TMEM178B: variants seen among roughly 807,000 people sequenced by gnomAD.
TMEM178B encodes transmembrane protein 178B.
In TMEM178B, 5 loss-of-function variants were observed where a neutral mutation model predicts 31.0. That is an observed-to-expected ratio of 0.16 (90% CI 0.08 to 0.34). The LOEUF (loss-of-function observed/expected upper bound fraction) is 0.34, where lower values mean the gene tolerates loss of function less well. Ranked by LOEUF, TMEM178B falls within the 10% of genes least tolerant of loss-of-function variation. TMEM178B has a pLI of 1.00. For synonymous variants in TMEM178B, 164 were observed against 164.0 expected (o/e 1.00, Z 0.00); for missense variants, 275 against 400.3 (o/e 0.69, Z 2.67).
At chr7:141,441,513 T>C (rs949677104) in intron 3 of TMEM178B, among the ~76,000 whole-genome samples, 2 of 152,160 alleles carry the variant, frequency 1.3e-5, no homozygotes, top group Non-Finnish European at 2.9e-5. Flanking sequence ...CAGGCATCTA[T>C]AACCGAGCAC....
chr7:141,209,168 G>T (rs1451617900), intron 1 of TMEM178B, among the ~76,000 whole-genome samples: 1 of 152,188 alleles, frequency 6.6e-6, no homozygotes, highest in Non-Finnish European at 1.5e-5. Flanking sequence ...TGGTATTCTT[G>T]TTACAACCTT....
intron 2 of TMEM178B, among the ~76,000 whole-genome samples, chr7:141,269,335 C>A (rs563245366): frequency 1.4e-4 from 22 of 152,138 alleles, no homozygotes; most frequent in Non-Finnish European, 2.8e-4. Context: ...AGGTGATCTG[C>A]CTGCTTCAGC....
intron 1 of TMEM178B, among the ~76,000 whole-genome samples, chr7:141,082,032 A>G (rs1362824757): frequency 1.3e-5 from 2 of 152,276 alleles, no homozygotes; most frequent in Non-Finnish European, 2.9e-5. Context: ...TATTCAGTAC[A>G]GTAACATGCT....
chr7:141,182,640 C>T (rs927880011), intron 1 of TMEM178B, among the ~76,000 whole-genome samples: 1 of 152,092 alleles, frequency 6.6e-6, no homozygotes, highest in African/African-American at 2.4e-5. Flanking sequence ...GCTGTGTCCC[C>T]ACCCAAATCT....
At chr7:141,282,255 C>A (rs1181576005) in intron 2 of TMEM178B, among the ~76,000 whole-genome samples, 1 of 152,180 alleles carries the variant, frequency 6.6e-6, no homozygotes, top group African/African-American at 2.4e-5. Flanking sequence ...CTGAAAAATA[C>A]CCCTGGGTTT....
At position 141,220,761 on chromosome 7, in the gene TMEM178B, C is replaced by T. The variant is rs191655786; in HGVS notation, c.496+8057C>T. Among the ~76,000 whole-genome samples the T allele has an allele frequency of 2.8e-3, 420 of 152,278 alleles. 1 individual carries two copies. Among genetic ancestry groups the T allele is most frequent in the African/African-American group, 9.3e-3 (388 of 41,542 alleles). On this transcript the variant is annotated intron_variant, in intron 2 of 3. Transcript: ENST00000565468. ...TGGAAGTGGTTTTCTTCTGGCTGAGCGCACTGATACGGACACCACACCATG... is the reference window on the plus strand; with the variant it reads ...TGGAAGTGGTTTTCTTCTGGCTGAGTGCACTGATACGGACACCACACCATG...
chr7:141,482,346 C>T (rs917583279), downstream of TMEM178B, among the ~76,000 whole-genome samples: 1 of 152,240 alleles, frequency 6.6e-6, no homozygotes, highest in Non-Finnish European at 1.5e-5. Context: ...CTTTCCCTAA[C>T]CCTGTGGCAG....
chr7:141,096,428 G>A (rs1747809628), intron 1 of TMEM178B, among the ~76,000 whole-genome samples: 3 of 152,126 alleles, frequency 2.0e-5, no homozygotes, highest in Admixed American at 2.0e-4. Context: ...AATATTCTGG[G>A]TGACGTTAGA....
intron 1 of TMEM178B, among the ~76,000 whole-genome samples, chr7:141,135,772 C>A (rs531018672): frequency 6.6e-6 from 1 of 151,816 alleles, no homozygotes; most frequent in Non-Finnish European, 1.5e-5. Flanking sequence ...ATGCCTATAT[C>A]GAAAAAGTGG....
intron 3 of TMEM178B, among the ~76,000 whole-genome samples, chr7:141,444,705 T>C (rs1801720586): frequency 6.6e-6 from 1 of 152,130 alleles, no homozygotes; most frequent in Non-Finnish European, 1.5e-5. Flanking sequence ...TTGTCCTAGG[T>C]CACCTGGCCA....
chr7:141,331,854 G>T (rs1415989491), intron 2 of TMEM178B, among the ~76,000 whole-genome samples: 1 of 152,198 alleles, frequency 6.6e-6, no homozygotes, highest in Non-Finnish European at 1.5e-5. Flanking sequence ...AGACCTTGGG[G>T]TTTTCTTCCT....
chr7:141,311,465 TCTAA>T (rs1798909516), intron 2 of TMEM178B, among the ~76,000 whole-genome samples: 1 of 152,238 alleles, frequency 6.6e-6, no homozygotes, highest in South Asian at 2.1e-4. Context: ...TTGCTGGTTT[TCTAA>T]CTAATTTATT....
intron 2 of TMEM178B, among the ~76,000 whole-genome samples, chr7:141,391,829 G>A (rs560500666): frequency 1.3e-5 from 2 of 152,234 alleles, no homozygotes; most frequent in South Asian, 2.1e-4. Context: ...TGTCCTCAAG[G>A]TTCATCCATG....
intron 2 of TMEM178B, among the ~76,000 whole-genome samples, chr7:141,266,819 TTATTTATTAACTGA>T: frequency 6.6e-6 from 1 of 152,228 alleles, no homozygotes; most frequent in Non-Finnish European, 1.5e-5. Flanking sequence ...CATGGGAAAC[TTATTTATTAACTGA>T]GATAGGAGAG....
chr7:141,097,780 T>C (rs1020613334), intron 1 of TMEM178B, among the ~76,000 whole-genome samples: 1 of 144,320 alleles, frequency 6.9e-6, no homozygotes, highest in Non-Finnish European at 1.5e-5. Flanking sequence ...GTTTCTTTTC[T>C]TTTTCTTTCT....
intron 1 of TMEM178B, among the ~76,000 whole-genome samples, chr7:141,174,205 A>T (rs905917076): frequency 1.3e-5 from 2 of 151,894 alleles, no homozygotes; most frequent in African/African-American, 4.8e-5. Context: ...GAGTGAGAAC[A>T]TGTGGTGTTT....
chr7:141,285,914 G>A (rs2116410879), intron 2 of TMEM178B, among the ~76,000 whole-genome samples: 1 of 152,254 alleles, frequency 6.6e-6, no homozygotes, highest in South Asian at 2.1e-4. Flanking sequence ...GACACAGGGA[G>A]GGGAACATCA....
Position 141,475,162 on chromosome 7 carries a change from G to C in TMEM178B, c.*4376G>C, listed in dbSNP as rs1802339791. On this transcript the variant is annotated 3_prime_UTR_variant, in exon 4 of 4. Transcript: ENST00000565468. Reference sequence around the variant, plus strand: ...GGTGATTTCAGTGCAGATAGGAAGAGCTGGTGCACACCAGCAGGGTTGCCT... The same window carrying C: ...GGTGATTTCAGTGCAGATAGGAAGACCTGGTGCACACCAGCAGGGTTGCCT... The C allele has an allele frequency of 6.6e-6, 1 of 152,236 alleles. No individual in the cohort carries two copies. Among genetic ancestry groups the C allele is most frequent in the Non-Finnish European group, 1.5e-5 (1 of 68,064 alleles). The allele number at this position is 152,236 out of a possible 1,614,324, so 9.4% of individuals were successfully genotyped here.
intron 1 of TMEM178B, among the ~76,000 whole-genome samples, chr7:141,176,320 G>T (rs1289428220): frequency 6.6e-6 from 1 of 152,184 alleles, no homozygotes; most frequent in African/African-American, 2.4e-5. Context: ...ACTTGATCAT[G>T]GTGGATAAGC....
Sources: gnomAD v4.1 joint callset for allele counts (sites outside exome capture counted in the v4.1 genomes callset) on GRCh38, gnomAD v4.1.1 for gene constraint, MANE v1.5 for transcripts, NCBI Gene and HGNC (gene_info 2026-07-23, HGNC 2026-07-21) for gene names.